MBD5: variants seen among roughly 807,000 people sequenced by gnomAD.
MBD5 encodes methyl-CpG-binding domain protein 5.
A neutral mutation model predicts 117.3 loss-of-function variants in MBD5; 13 were observed. That is an observed-to-expected ratio of 0.11 (90% confidence interval 0.07 to 0.18). The LOEUF (loss-of-function observed/expected upper bound fraction) is 0.18. MBD5 is among the 10% of genes least tolerant of loss of function. The pLI, the probability that MBD5 is intolerant of heterozygous loss-of-function variation, is 1.00. For synonymous variants in MBD5, 727 were observed against 766.4 expected (o/e 0.95, Z 0.85); for missense variants, 1,879 against 2,093.8 (o/e 0.90, Z 2.00).
chr2:148,404,956 A>T (rs538588463), intron 4 of MBD5, among the ~76,000 whole-genome samples: 1 of 152,108 alleles, frequency 6.6e-6, no homozygotes, highest in African/African-American at 2.4e-5. Context: ...AGTCTTTTCC[A>T]TACTATTCTT....
At chr2:148,339,264 A>G (rs1037035834) in intron 3 of MBD5, among the ~76,000 whole-genome samples, 1 of 152,106 alleles carries the variant, frequency 6.6e-6, no homozygotes, top group African/African-American at 2.4e-5. Context: ...ATCTAAAAAA[A>G]TCTTGTTTTT....
At chr2:148,450,335 T>C (rs907028165) in intron 4 of MBD5, among the ~76,000 whole-genome samples, 2 of 152,346 alleles carry the variant, frequency 1.3e-5, no homozygotes, top group African/African-American at 4.8e-5. Flanking sequence ...AGTAATGCTA[T>C]GTAGCCTCTA....
chr2:148,086,563 A>G (rs753743722), intron 1 of MBD5, among the ~76,000 whole-genome samples: 2 of 152,186 alleles, frequency 1.3e-5, no homozygotes, highest in African/African-American at 4.8e-5. Flanking sequence ...ATCCCCAAAC[A>G]TAAACAAACC....
At chr2:148,305,050 G>A (rs1701860111) in intron 3 of MBD5, among the ~76,000 whole-genome samples, 1 of 149,936 alleles carries the variant, frequency 6.7e-6, no homozygotes, top group Admixed American at 6.6e-5. Flanking sequence ...GGGCGACAGA[G>A]CGAGACTCCG....
Position 148,462,624 on chromosome 2 carries a change from A to G in MBD5, c.156A>G (p.Thr52=), listed in dbSNP as rs796958008. 1.2e-6 allele frequency: 2 copies of G among 1,612,986 alleles called. No individual in the cohort carries two copies. The highest frequency in any genetic ancestry group is 2.7e-5 in the African/African-American group (2 of 75,002). ...SLLSCLEQVK[T]YLLTDGTCKC... ...TATCTTGCTTGGAGCAGGTTAAAAC[A>G]TACCTGCTTACTGATGGAACATGCA... is the stretch of plus-strand genomic sequence containing the variant. The change falls in exon 6 of 14, where the codon ACA becomes ACG. Residue 52 remains threonine, a synonymous_variant. Coordinates refer to ENST00000642680, the MANE Select transcript of MBD5 (RefSeq NM_001378120.1).
intron 1 of MBD5, among the ~76,000 whole-genome samples, chr2:148,022,715 A>T (rs1384567059): frequency 2.0e-5 from 3 of 152,200 alleles, no homozygotes; most frequent in African/African-American, 7.2e-5. Flanking sequence ...TGCCCACTGT[A>T]TGTAAAAGTA....
At chr2:148,435,749 A>G (rs1288830855) in intron 4 of MBD5, among the ~76,000 whole-genome samples, 2 of 152,128 alleles carry the variant, frequency 1.3e-5, no homozygotes, top group Non-Finnish European at 2.9e-5. Flanking sequence ...AATATCTTGC[A>G]GGGGGTCTCT....
At chr2:148,343,998 T>C (rs1232762927) in intron 4 of MBD5, among the ~76,000 whole-genome samples, 1 of 151,966 alleles carries the variant, frequency 6.6e-6, no homozygotes, top group Non-Finnish European at 1.5e-5. Context: ...TAGTGAAAGG[T>C]AGTGGTCCAA....
Position 148,484,145 on chromosome 2 carries a change from A to G in MBD5, c.3544+10A>G. On this transcript the variant is annotated intron_variant, in intron 9 of 13. Coordinates refer to ENST00000642680, the MANE Select transcript of MBD5 (RefSeq NM_001378120.1). ...GGGACAGGTCTACTTGGTAAGTTAA[A>G]TTTTTTCACAAATTTTTTACAAAAG... is the stretch of plus-strand genomic sequence containing the variant. The G allele has an allele frequency of 7.1e-7, 1 of 1,410,948 alleles. No homozygotes were observed. Among genetic ancestry groups the G allele is most frequent in the Non-Finnish European group, 9.2e-7 (1 of 1,081,498 alleles). 87.4% of individuals were successfully genotyped at this position (1,410,948 alleles called of 1,614,324 possible). A position where few individuals can be genotyped will look rare whatever the true frequency, so the allele number is the denominator to read the frequency against.
intron 8 of MBD5, chr2:148,471,103 G>C (rs1046166452): frequency 5.3e-5 from 8 of 151,818 alleles, no homozygotes; most frequent in African/African-American, 1.9e-4. Context: ...TAAAAAAAAG[G>C]CTTGAAAACC....
chr2:148,362,159 G>A (rs1211238708), intron 4 of MBD5, among the ~76,000 whole-genome samples: 1 of 152,138 alleles, frequency 6.6e-6, no homozygotes, highest in Non-Finnish European at 1.5e-5. Flanking sequence ...CCTGGAAAGG[G>A]GGCTGAAGCC....
intron 2 of MBD5, among the ~76,000 whole-genome samples, chr2:148,215,831 G>C (rs1699540383): frequency 1.3e-5 from 2 of 151,678 alleles, no homozygotes; most frequent in South Asian, 4.2e-4. Flanking sequence ...CCAGACCTTG[G>C]TTTTTGAAAA....
At chr2:148,334,936 G>T (rs920972503) in intron 3 of MBD5, among the ~76,000 whole-genome samples, 14 of 152,024 alleles carry the variant, frequency 9.2e-5, no homozygotes, top group African/African-American at 3.4e-4. Flanking sequence ...ATATTTAAAT[G>T]CTTATATATT....
At chr2:148,479,849 C>G (rs1681093817) in intron 8 of MBD5, among the ~76,000 whole-genome samples, 1 of 151,478 alleles carries the variant, frequency 6.6e-6, no homozygotes, top group South Asian at 2.1e-4. Flanking sequence ...TTATAGTGGT[C>G]TCCTTATTAT....
chr2:148,445,341 A>G (rs577254090), intron 4 of MBD5, among the ~76,000 whole-genome samples: 5 of 149,832 alleles, frequency 3.3e-5, no homozygotes, highest in East Asian at 1.9e-4. Context: ...CTGTGTCCAA[A>G]TGTTCTCATT....
Position 148,064,121 on chromosome 2 carries a change from C to CTTTTTTTTTTT in MBD5, c.-925+42443_-925+42444insTTTTTTTTTTT, listed in dbSNP as rs200434229. 3.2e-5 allele frequency among the ~76,000 whole-genome samples: 4 copies of CTTTTTTTTTTT among 126,150 alleles called. 1 individual carries two copies. Among genetic ancestry groups the CTTTTTTTTTTT allele is most frequent in the African/African-American group, 6.3e-5 (2 of 31,766 alleles). The allele number at this position is 126,150 out of a possible 152,430, so 82.8% of individuals were successfully genotyped here. A position where few individuals can be genotyped will look rare whatever the true frequency, so the allele number is the denominator to read the frequency against. On this transcript the variant is annotated intron_variant, in intron 1 of 13. Coordinates refer to ENST00000642680, the MANE Select transcript of MBD5 (RefSeq NM_001378120.1). ...GAAACATACTATTCCCACCAGCTGT[C>CTTTTTTTTTTT]TTTTTTCTTTTTTTTTTTTTTTGAG...
intron 4 of MBD5, among the ~76,000 whole-genome samples, chr2:148,361,544 A>T (rs1187635768): frequency 6.6e-6 from 1 of 152,220 alleles, no homozygotes; most frequent in African/African-American, 2.4e-5. Context: ...TCCAATATTA[A>T]CTAATGTAGC....
intron 1 of MBD5, among the ~76,000 whole-genome samples, chr2:148,084,690 T>TC (rs200922056): frequency 3.3e-3 from 504 of 152,298 alleles, no homozygotes; most frequent in East Asian, 8.3e-3. Flanking sequence ...TTTTAAAACT[T>TC]TTCTGGACAT....
intron 1 of MBD5, among the ~76,000 whole-genome samples, chr2:148,133,618 T>A (rs1310032565): frequency 6.6e-6 from 1 of 152,092 alleles, no homozygotes; most frequent in Non-Finnish European, 1.5e-5. Flanking sequence ...GAGGTCAGGA[T>A]TTCAAGACCA....
Sources: allele counts gnomAD v4.1 joint callset (sites outside exome capture counted in the v4.1 genomes callset), GRCh38; gene constraint gnomAD v4.1.1; transcripts MANE v1.5; gene names NCBI Gene and HGNC (gene_info 2026-07-23, HGNC 2026-07-21).